CCDC157: variants seen among roughly 807,000 people sequenced by gnomAD.
The protein encoded by CCDC157 is coiled-coil domain-containing protein 157.
A neutral mutation model predicts 70.9 loss-of-function variants in CCDC157; 60 were observed. That is an observed-to-expected ratio of 0.85 (90% confidence interval 0.69 to 1.05). CCDC157 has a LOEUF of 1.05. Among genes scored for constraint, CCDC157 ranks in the 50% least tolerant of loss-of-function variants. The pLI, the probability that CCDC157 is intolerant of heterozygous loss-of-function variation, is 0.00. For synonymous variants in CCDC157, 373 were observed against 422.4 expected, an observed-to-expected ratio of 0.88 and a Z score of 1.43; for missense variants, 943 against 984.2, an observed-to-expected ratio of 0.96 and a Z score of 0.56.
chr22:30,370,884 C>T lies in CCDC157; in HGVS notation c.979C>T (p.Arg327Ter), dbSNP rs755299220. 97 of 1,611,326 alleles carry T rather than the reference C, an allele frequency of 6.0e-5. No homozygotes were observed. Among genetic ancestry groups the T allele is most frequent in the Non-Finnish European group, 7.4e-5 (87 of 1,179,872 alleles). The change falls in exon 5 of 12, where the codon CGA becomes TGA. Residue 327 changes from arginine to a stop codon, truncating the protein, a stop_gained. Transcript: ENST00000338306. LOFTEE classifies it high-confidence loss of function. ...GAAACAGGAGCAGGGGGCACGGCGG[C>T]GACAGGCGGAGGAGGATGAGCAGTG... is the stretch of plus-strand genomic sequence containing the variant. ...ALKQEQGARR[R>*]QAEEDEQCLS... is the part of the protein sequence containing the mutation.
intron 10 of CCDC157, 31 bp from the exon 11 acceptor site, chr22:30,376,228 T>C (rs763085765): frequency 6.3e-7 from 1 of 1,595,646 alleles, no homozygotes; most frequent in Non-Finnish European, 8.6e-7. Context: ...CCTGGGCCCT[T>C]ATAAGACTGG....
At chr22:30,356,919 G>A (rs1251816521), upstream of CCDC157, 3 of 803,514 alleles carry the variant, frequency 3.7e-6, no homozygotes, top group Non-Finnish European at 5.1e-6. Flanking sequence ...TTGCGGCCGC[G>A]AAGGTACGAC....
chr22:30,376,093 T>C (rs375525747), intron 10 of CCDC157, 166 bp from the exon 11 acceptor site: 11 of 621,912 alleles, frequency 1.8e-5, no homozygotes, highest in Admixed American at 8.9e-5. Flanking sequence ...GCTCTGCAGC[T>C]GAGAATAGGC....
intron 2 of CCDC157, among the ~76,000 whole-genome samples, chr22:30,364,829 ACC>A (rs1932612342): frequency 1.3e-5 from 2 of 151,224 alleles, no homozygotes; most frequent in East Asian, 1.9e-4. Context: ...AAAAAAAAAA[ACC>A]AAAAAACATA....
At chr22:30,361,352 A>G (rs1199719959) in intron 1 of CCDC157, among the ~76,000 whole-genome samples, 1 of 151,852 alleles carries the variant, frequency 6.6e-6, no homozygotes, top group Admixed American at 6.6e-5. Flanking sequence ...TGGTGTCCCT[A>G]TGTGACATTG....
rs567024372 is a variant in CCDC157, at chr22:30,378,067, G to A, written c.*1322G>A. 48 of 470,210 alleles carry A rather than the reference G, an allele frequency of 1.0e-4. No homozygotes were observed. The highest frequency in any genetic ancestry group is 9.0e-4 in the East Asian group (13 of 14,382). 29.1% of individuals were successfully genotyped at this position (470,210 alleles called of 1,614,324 possible). ...GTGGGACTGAGGTCCCCATGTCCTCGCTGGCTGGCTGTAAGCCAGGTCCTC... is the reference window on the plus strand; with the variant it reads ...GTGGGACTGAGGTCCCCATGTCCTCACTGGCTGGCTGTAAGCCAGGTCCTC... On this transcript the variant is annotated 3_prime_UTR_variant, in exon 12 of 12. Coordinates refer to ENST00000338306, the MANE Select transcript of CCDC157 (RefSeq NM_001017437.5).
chr22:30,358,319 C>A (rs1342335449), intron 1 of CCDC157, among the ~76,000 whole-genome samples: 2 of 152,216 alleles, frequency 1.3e-5, no homozygotes, highest in Non-Finnish European at 2.9e-5. Flanking sequence ...CCCAACACTT[C>A]ATGTGTTACG....
chr22:30,371,567 C>T, intron 5 of CCDC157, 83 bp from the exon 6 acceptor site: 1 of 1,160,072 alleles, frequency 8.6e-7, no homozygotes, highest in Non-Finnish European at 1.3e-6. Context: ...GGGCTGCCTC[C>T]ACTCCACGGG....
intron 5 of CCDC157, 86 bp downstream of exon 5, chr22:30,371,036 G>GCAAGTGGTTTGTGTGGAAGAACC: frequency 6.8e-7 from 1 of 1,468,418 alleles, no homozygotes. Context: ...GGCTTCCAGG[G>GCAAGTGGTTTGTGTGGAAGAACC]CAAGTGGTTT....
chr22:30,366,478 A>T, intron 3 of CCDC157: 1 of 578,338 alleles, frequency 1.7e-6, no homozygotes, highest in Non-Finnish European at 3.2e-6. Flanking sequence ...TAGCCTGTCC[A>T]CCTCAGGCAG....
chr22:30,376,308 GAGC>G lies in CCDC157; in HGVS notation c.1909_1911del (p.Ala637del). The stretch of plus-strand genomic sequence containing the variant: ...TCCCCTTCCAGCAAGGGAACCCAGG[GAGC>G]AACACCACCAGTCCAGGCCAAGAGC... On this transcript the variant is annotated inframe_deletion, in exon 11 of 12. Transcript: ENST00000338306. The G allele has an allele frequency of 6.2e-7, 1 of 1,613,748 alleles. No homozygotes were observed. Among genetic ancestry groups the G allele is most frequent in the Non-Finnish European group, 8.5e-7 (1 of 1,179,912 alleles).
Position 30,376,647 on chromosome 22 carries a change from C to CA in CCDC157, c.2162dup (p.Asn722GlufsTer51), listed in dbSNP as rs1569196423. ...TGTGACCCACTTGGACACCTGCACC[C>CA]AGAACCCCATCAAGGTCTTGGTCAG... On this transcript the variant is annotated frameshift_variant, in exon 12 of 12. Coordinates refer to ENST00000338306, the MANE Select transcript of CCDC157 (RefSeq NM_001017437.5). LOFTEE classifies it high-confidence loss of function. 6.2e-7 allele frequency: 1 copy of CA among 1,613,898 alleles called. No homozygotes were observed. The highest frequency in any genetic ancestry group is 1.1e-5 in the South Asian group (1 of 91,078).
At position 30,366,114 on chromosome 22, in the gene CCDC157, C is replaced by T. The variant is rs764655262; in HGVS notation, c.114C>T (p.Pro38=). The T allele has an allele frequency of 2.5e-6, 4 of 1,613,316 alleles. No homozygotes were observed. Among genetic ancestry groups the T allele is most frequent in the Non-Finnish European group, 3.4e-6 (4 of 1,180,020 alleles). Reference sequence around the variant, plus strand: ...CCCGCGCCGGGCCTGTGCGCTTCCCCTCCTGGAAGTTCCCTGACCGCATGG... The same window carrying T: ...CCCGCGCCGGGCCTGTGCGCTTCCCTTCCTGGAAGTTCCCTGACCGCATGG... ...VFSRAGPVRF[P]SWKFPDRMAC... Residue 38 remains proline (P), a synonymous_variant, in exon 3 of 12, where the codon CCC becomes CCT. Coordinates refer to ENST00000338306, the MANE Select transcript of CCDC157 (RefSeq NM_001017437.5).
chr22:30,367,426 C>T (rs188323418), intron 3 of CCDC157, among the ~76,000 whole-genome samples: 3 of 152,116 alleles, frequency 2.0e-5, no homozygotes, highest in Non-Finnish European at 2.9e-5. Flanking sequence ...TTAGTGGAGA[C>T]GGGGTTTCAC....
At chr22:30,374,266 C>T (rs1414085250) in intron 9 of CCDC157, 175 bp downstream of exon 9, 3 of 709,676 alleles carry the variant, frequency 4.2e-6, no homozygotes, top group African/African-American at 3.5e-5. Flanking sequence ...GTGCTTCATG[C>T]GTCATCCACT....
chr22:30,375,599 A>C lies in CCDC157; in HGVS notation c.1793A>C (p.Glu598Ala). ...NDIRIRVLQEENGRLQSMLSK... is the reference protein window; with the variant it reads ...NDIRIRVLQEANGRLQSMLSK... ...ATCCGCATCCGGGTCCTACAGGAGG[A>C]GAACGGGCGGCTCCAATCAATGCTG... is the stretch of plus-strand genomic sequence containing the variant. The change falls in exon 10 of 12, where the codon GAG becomes GCG. Residue 598 changes from glutamate (E) to alanine (A), a missense_variant. Physicochemically the swap from Glu to Ala is moderately radical, Grantham distance 107. Transcript: ENST00000338306. The C allele has an allele frequency of 6.2e-7, 1 of 1,614,158 alleles. No homozygotes were observed. The highest frequency in any genetic ancestry group is 1.7e-4 in the Middle Eastern group (1 of 6,060).
intron 3 of CCDC157, among the ~76,000 whole-genome samples, chr22:30,368,460 G>A (rs760582331): frequency 6.6e-6 from 1 of 152,230 alleles, no homozygotes; most frequent in African/African-American, 2.4e-5. Context: ...GTGGGATCAC[G>A]GCTGAGGCTG....
At position 30,372,129 on chromosome 22, in the gene CCDC157, G is replaced by A; in HGVS notation, c.1178G>A (p.Arg393Lys). The change falls in exon 7 of 12, where the codon AGG becomes AAG. Residue 393 changes from arginine (R) to lysine (K), a missense_variant. Transcript: ENST00000338306. ...EEGERRAAAE[R>K]QVQQLEEQVQ... is the part of the protein sequence containing the mutation. Reference sequence around the variant, plus strand: ...GGTGAGCGCAGGGCGGCAGCGGAGAGGCAGGTGCAGCAGCTGGAGGAGCAG... The same window carrying A: ...GGTGAGCGCAGGGCGGCAGCGGAGAAGCAGGTGCAGCAGCTGGAGGAGCAG... 2.6e-6 allele frequency: 4 copies of A among 1,555,296 alleles called. No homozygotes were observed. Among genetic ancestry groups the A allele is most frequent in the Middle Eastern group, 2.2e-4 (1 of 4,542 alleles).
Position 30,363,524 on chromosome 22 carries a change from C to A in CCDC157, c.-12+1410C>A, listed in dbSNP as rs200759956. ...CAATGTCCCCATCTTACAGCTGGGC[C>A]TCAGTGACTTGCCTGAGGCCAGGAA... On this transcript the variant is annotated intron_variant, in intron 2 of 11. Coordinates refer to ENST00000338306, the MANE Select transcript of CCDC157 (RefSeq NM_001017437.5). Among the ~76,000 whole-genome samples, 4 of 152,130 alleles carry A rather than the reference C, an allele frequency of 2.6e-5. No homozygotes were observed. In the East Asian group the frequency reaches 7.7e-4, roughly 29 times the overall value.
Sources: gnomAD v4.1 joint callset for allele counts (sites outside exome capture counted in the v4.1 genomes callset) on GRCh38, gnomAD v4.1.1 for gene constraint, MANE v1.5 for transcripts, NCBI Gene and HGNC (gene_info 2026-07-23, HGNC 2026-07-21) for gene names.